The following MSRB2 variants were observed in gnomAD, a reference collection of about 807,000 sequenced individuals.
MSRB2 encodes methionine-R-sulfoxide reductase B2, mitochondrial.
In MSRB2, 17 loss-of-function variants were observed where a neutral mutation model predicts 19.0. The observed-to-expected ratio is 0.89, with a 90% CI of 0.61 to 1.34. MSRB2 has a LOEUF of 1.34. MSRB2 is among the 40% of genes most tolerant of loss of function. The probability of loss-of-function intolerance (pLI) is 0.00; values close to 1 mark genes in which losing one functional copy is unlikely to be tolerated. For missense variants in MSRB2, 208 were observed against 237.6 expected (o/e 0.88, Z 0.82); for synonymous variants, 107 against 99.7 (o/e 1.07, Z -0.44).
At chr10:23,095,856 C>T (rs1839856128) in intron 1 of MSRB2, 130 bp downstream of exon 1, 1 of 498,536 alleles carries the variant, frequency 2.0e-6, no homozygotes, top group Non-Finnish European at 3.0e-6. Context: ...TCGGCGCGCC[C>T]CTCCCCCCCC....
At chr10:23,109,402 G>A (rs568057010) in intron 2 of MSRB2, among the ~76,000 whole-genome samples, 1 of 152,086 alleles carries the variant, frequency 6.6e-6, no homozygotes, top group Non-Finnish European at 1.5e-5. Flanking sequence ...AATTAGCCAG[G>A]CGTGGTGGCG....
intron 3 of MSRB2, among the ~76,000 whole-genome samples, chr10:23,118,124 A>T (rs1840133237): frequency 6.6e-6 from 1 of 152,166 alleles, no homozygotes; most frequent in Non-Finnish European, 1.5e-5. Flanking sequence ...TTAAATGTTG[A>T]CATACGTAAC....
At chr10:23,106,073 G>C (rs1002486436) in intron 2 of MSRB2, among the ~76,000 whole-genome samples, 1 of 152,184 alleles carries the variant, frequency 6.6e-6, no homozygotes, top group Non-Finnish European at 1.5e-5. Context: ...CTAGAGATGA[G>C]CTGCCAGATG....
chr10:23,117,873 G>A (rs1020833484), intron 3 of MSRB2, among the ~76,000 whole-genome samples: 32 of 152,218 alleles, frequency 2.1e-4, no homozygotes, highest in Non-Finnish European at 3.8e-4. Context: ...TTATAGGCGT[G>A]GGCCACCACG....
At chr10:23,097,739 GT>G (rs748590766) in intron 1 of MSRB2, among the ~76,000 whole-genome samples, 81 of 152,158 alleles carry the variant, frequency 5.3e-4, no homozygotes, top group Non-Finnish European at 1.0e-3. Flanking sequence ...TGGTAGGGTT[GT>G]TGTAAAGAAT....
At chr10:23,104,786 C>T (rs12770558) in intron 2 of MSRB2, among the ~76,000 whole-genome samples, 22,441 of 152,056 alleles carry the variant, frequency 0.15, 1,793 homozygotes, top group African/African-American at 0.19. Context: ...CTCTCACATG[C>T]CCTGGGCTCC....
rs575605143 is a variant in MSRB2 at position 23,097,739 on chromosome 10, G to A, written c.118+2013G>A. ...TAAGGATAATGATAATGGTAGGGTT[G>A]TTGTAAAGAATAACTTTTTAATTAA... On this transcript the variant is annotated intron_variant, in intron 1 of 4. Transcript: ENST00000376510. 3.3e-5 allele frequency among the ~76,000 whole-genome samples: 5 copies of A among 152,276 alleles called. No homozygotes were observed. In the South Asian group the frequency reaches 1.0e-3, roughly 32 times the overall value.
intron 1 of MSRB2, among the ~76,000 whole-genome samples, chr10:23,100,809 G>A (rs1174824761): frequency 2.0e-5 from 3 of 152,166 alleles, no homozygotes; most frequent in Admixed American, 1.3e-4. Flanking sequence ...AACCATATCA[G>A]AGGCAGTCAC....
At chr10:23,110,931 T>C (rs1400059989) in intron 3 of MSRB2, among the ~76,000 whole-genome samples, 1 of 152,172 alleles carries the variant, frequency 6.6e-6, no homozygotes, top group Non-Finnish European at 1.5e-5. Flanking sequence ...TAAAAAAAAG[T>C]AGATTCGATG....
intron 3 of MSRB2, among the ~76,000 whole-genome samples, chr10:23,115,050 C>T (rs758543937): frequency 1.3e-5 from 2 of 152,144 alleles, no homozygotes; most frequent in Non-Finnish European, 2.9e-5. Flanking sequence ...CCAGACTTAG[C>T]GTCATTCTCC....
chr10:23,108,892 T>C (rs954627638), intron 2 of MSRB2, among the ~76,000 whole-genome samples: 2 of 152,026 alleles, frequency 1.3e-5, no homozygotes, highest in Non-Finnish European at 2.9e-5. Flanking sequence ...AAGTTTAGGG[T>C]TTTAAAGAAG....
In MSRB2 at chr10:23,108,047, A is replaced by G. The variant is rs144219557; in HGVS notation, c.220-2195A>G. ...GCAATCTTGACCCACTGCAACCTCT[A>G]CCTCCTGGGTTCAAGCGATTCTGCC... On this transcript the variant is annotated intron_variant, in intron 2 of 4. Transcript: ENST00000376510. 5.5e-3 allele frequency among the ~76,000 whole-genome samples: 820 copies of G among 149,832 alleles called. 22 individuals are homozygous for G. The highest frequency in any genetic ancestry group is 0.04 in the Admixed American group (595 of 14,942).
chr10:23,114,245 G>A (rs1290189473), intron 3 of MSRB2, among the ~76,000 whole-genome samples: 1 of 151,782 alleles, frequency 6.6e-6, no homozygotes, highest in African/African-American at 2.4e-5. Flanking sequence ...AGCTACTAAG[G>A]AGGCTGAGGT....
At chr10:23,102,026 G>A (rs1839930702) in intron 1 of MSRB2, among the ~76,000 whole-genome samples, 1 of 152,090 alleles carries the variant, frequency 6.6e-6, no homozygotes, top group Admixed American at 6.6e-5. Flanking sequence ...CTCAGTCTGG[G>A]ATTGTTTGAT....
intron 2 of MSRB2, among the ~76,000 whole-genome samples, chr10:23,105,908 C>T (rs1160438554): frequency 1.3e-5 from 2 of 152,148 alleles, no homozygotes; most frequent in Admixed American, 1.3e-4. Flanking sequence ...TTACTAAAGC[C>T]CTTGTTGGGA....
At chr10:23,108,612 A>T (rs548909028) in intron 2 of MSRB2, among the ~76,000 whole-genome samples, 2 of 151,492 alleles carry the variant, frequency 1.3e-5, no homozygotes, top group South Asian at 4.2e-4. Context: ...AATAGCTGGG[A>T]TTACAGGCGT....
intron 2 of MSRB2, among the ~76,000 whole-genome samples, chr10:23,108,926 T>A (rs1411718315): frequency 6.6e-6 from 1 of 152,218 alleles, no homozygotes; most frequent in Non-Finnish European, 1.5e-5. Context: ...TGTACCCAGA[T>A]GGTAGGCTCA....
chr10:23,119,881 C>T lies in MSRB2; in HGVS notation c.444+430C>T, dbSNP rs572786360. Among the ~76,000 whole-genome samples, 16 of 152,326 alleles carry T rather than the reference C, an allele frequency of 1.1e-4. No homozygotes were observed. In the South Asian group the frequency reaches 1.5e-3, roughly 14 times the overall value. ...AAGTGCTGGGATTACAGGCGTGGGC[C>T]ACCACACCCAGCCCAGAACACATGG... On this transcript the variant is annotated intron_variant, in intron 4 of 4. Transcript: ENST00000376510.
intron 1 of MSRB2, among the ~76,000 whole-genome samples, chr10:23,098,437 C>T (rs1344838444): frequency 2.6e-5 from 4 of 152,182 alleles, no homozygotes; most frequent in African/African-American, 9.7e-5. Flanking sequence ...GAGAAGGGAA[C>T]TCCAAGGAAT....
Sources: allele counts gnomAD v4.1 joint callset (sites outside exome capture counted in the v4.1 genomes callset), GRCh38; gene constraint gnomAD v4.1.1; transcripts MANE v1.5; gene names NCBI Gene and HGNC (gene_info 2026-07-23, HGNC 2026-07-21).